The following FUT1 variants were observed in gnomAD, a reference collection of about 807,000 sequenced individuals.
FUT1 encodes the protein galactoside alpha-(1,2)-fucosyltransferase 1.
For missense variants in FUT1, 476 were observed against 492.7 expected (o/e 0.97, Z 0.32); for synonymous variants, 215 against 208.7 (o/e 1.03, Z -0.26).
Position 48,752,607 on chromosome 19 carries a change from C to G in FUT1, c.-120G>C. 1 of 985,474 alleles carries G rather than the reference C, an allele frequency of 1.0e-6. No individual in the cohort carries two copies. The highest frequency in any genetic ancestry group is 1.7e-5 in the African/African-American group (1 of 57,368). 61.0% of individuals were successfully genotyped at this position (985,474 alleles called of 1,614,324 possible). ...ACGCCAGGCGTCCGGCTATCCGGCC[C>G]GGCAGCCCTCCCCTCCGCGCAGCCT... On this transcript the variant is annotated 5_prime_UTR_variant, in exon 1 of 2. Transcript: ENST00000645652. This position sits in a 1 kb window ranked among gnomAD's most constrained non-coding sequence, Gnocchi z 4.3.
Position 48,749,847 on chromosome 19 carries a change from ACC to A in FUT1, c.*335_*336del. On this transcript the variant is annotated 3_prime_UTR_variant, in exon 2 of 2. Coordinates refer to ENST00000645652, the MANE Select transcript of FUT1 (RefSeq NM_001384359.1). ...CTTTGGAGGACCCAGGGGAGAAGTA[ACC>A]CCTCTTCTAGAGTAGACCAGAGGGA... The A allele has an allele frequency of 1.6e-5, 6 of 367,894 alleles. No individual in the cohort carries two copies. Among genetic ancestry groups the A allele is most frequent in the South Asian group, 1.3e-4 (5 of 38,254 alleles). The allele number at this position is 367,894 out of a possible 1,614,324, so 22.8% of individuals were successfully genotyped here.
chr19:48,751,137 T>A lies in FUT1; in HGVS notation c.145A>T (p.Thr49Ser). Residue 49 changes from threonine (T) to serine (S), a missense_variant, in exon 2 of 2, where the codon ACA becomes TCA. Transcript: ENST00000645652. ...SILCPDRRLV[T>S]PPVAIFCLPG... ...AGGCAGAAGATGGCCACTGGGGGTG[T>A]CACCAGGCGGCGGTCTGGACACAGG... 1 of 1,613,728 alleles carries A rather than the reference T, an allele frequency of 6.2e-7. No individual in the cohort carries two copies. The highest frequency in any genetic ancestry group is 2.2e-5 in the East Asian group (1 of 44,856).
At chr19:48,753,883 T>TG (rs1491458854), upstream of FUT1, among the ~76,000 whole-genome samples, 2 of 152,242 alleles carry the variant, frequency 1.3e-5, no homozygotes, top group East Asian at 3.9e-4. Flanking sequence ...GATCAAAGAC[T>TG]TTAAGACTTT....
upstream of FUT1, chr19:48,753,514 G>C (rs2034037259): frequency 6.6e-6 from 1 of 152,374 alleles, no homozygotes; most frequent in African/African-American, 2.4e-5. Context: ...AGCAGGGCAG[G>C]CTAACGTAGG....
intron 1 of FUT1, 136 bp from the exon 2 acceptor site, chr19:48,751,419 C>T (rs1375924409): frequency 3.2e-6 from 3 of 928,174 alleles, no homozygotes; most frequent in Non-Finnish European, 5.1e-6. Flanking sequence ...AAGGTTTAGA[C>T]TCCTGGGGCT....
rs2034000468 is a variant in FUT1, at chr19:48,751,302, G to A, written c.-2-19C>T. ...CACATGGCTGCAGGGGAGGAAAGGCGAATTAGCAAATGCTCTGAGGCTGAG... is the reference window on the plus strand; with the variant it reads ...CACATGGCTGCAGGGGAGGAAAGGCAAATTAGCAAATGCTCTGAGGCTGAG... On this transcript the variant is annotated intron_variant, in intron 1 of 1. Transcript: ENST00000645652. 6.2e-7 allele frequency: 1 copy of A among 1,613,076 alleles called. No homozygotes were observed. The highest frequency in any genetic ancestry group is 8.5e-7 in the Non-Finnish European group (1 of 1,179,640).
upstream of FUT1, among the ~76,000 whole-genome samples, chr19:48,753,907 G>A (rs1366350173): frequency 5.9e-5 from 9 of 152,156 alleles, no homozygotes; most frequent in Non-Finnish European, 5.9e-5. Context: ...TATTTCGGGC[G>A]GGCGCGGTGG....
At position 48,751,017 on chromosome 19, in the gene FUT1, A is replaced by C; in HGVS notation, c.265T>G (p.Phe89Val). The C allele has an allele frequency of 6.3e-7, 1 of 1,589,996 alleles. No individual in the cohort carries two copies. The highest frequency in any genetic ancestry group is 2.2e-5 in the East Asian group (1 of 44,562). ...GCATACTGTCCCATCTGATTACCAA[A>C]CCGGCCATTGGGGTAGACAGTCCAG... ...GTWTVYPNGR[F>V]GNQMGQYATL... The change falls in exon 2 of 2, where the codon TTT becomes GTT. Residue 89 changes from phenylalanine to valine, a missense_variant. Phe to Val is a conservative substitution (Grantham distance 50). Transcript: ENST00000645652.
rs2033974550 is a variant in FUT1, at chr19:48,750,312, A to G, written c.970T>C (p.Tyr324His). 6.2e-7 allele frequency: 1 copy of G among 1,614,070 alleles called. No individual in the cohort carries two copies. The highest frequency in any genetic ancestry group is 8.5e-7 in the Non-Finnish European group (1 of 1,180,040). ...TCTGGCAGGGTGAAGTTGGCCAGGTAGACAGTGTCTCCGCCAGCCAGGTAG... is the reference window on the plus strand; with the variant it reads ...TCTGGCAGGGTGAAGTTGGCCAGGTGGACAGTGTCTCCGCCAGCCAGGTAG... Reference protein sequence around the residue: ...AAYLAGGDTVYLANFTLPDSE... With the variant: ...AAYLAGGDTVHLANFTLPDSE... The change falls in exon 2 of 2, where the codon TAC becomes CAC. Residue 324 changes from tyrosine (Y) to histidine (H), a missense_variant. Tyr to His is a moderately conservative substitution (Grantham distance 83, BLOSUM62 2). Coordinates refer to ENST00000645652, the MANE Select transcript of FUT1 (RefSeq NM_001384359.1).
upstream of FUT1, among the ~76,000 whole-genome samples, chr19:48,755,000 CTG>C (rs1276373411): frequency 1.3e-5 from 2 of 151,446 alleles, no homozygotes; most frequent in East Asian, 3.9e-4. Context: ...TCCAAGCCCC[CTG>C]CCCCTCCTTC....
In FUT1 at chr19:48,750,068, C is replaced by T. The variant is rs770649296; in HGVS notation, c.*116G>A. 1.6e-5 allele frequency: 20 copies of T among 1,225,162 alleles called. No individual in the cohort carries two copies. The highest frequency in any genetic ancestry group is 1.0e-4 in the South Asian group (8 of 76,696). The allele number at this position is 1,225,162 out of a possible 1,614,324, so 75.9% of individuals were successfully genotyped here. A position where few individuals can be genotyped will look rare whatever the true frequency, so the allele number is the denominator to read the frequency against. Reference sequence around the variant, plus strand: ...CTCCCAACTAGAATCACTCTGGATACGGGCACCCATTTGCTTCAGGAACAC... The same window carrying T: ...CTCCCAACTAGAATCACTCTGGATATGGGCACCCATTTGCTTCAGGAACAC... On this transcript the variant is annotated 3_prime_UTR_variant, in exon 2 of 2. Coordinates refer to ENST00000645652, the MANE Select transcript of FUT1 (RefSeq NM_001384359.1).
upstream of FUT1, chr19:48,752,656 G>A (rs1390366675): frequency 2.9e-5 from 29 of 985,258 alleles, no homozygotes; most frequent in African/African-American, 3.5e-5. The surrounding 1 kb of genome is among the most constrained non-coding windows in gnomAD (Gnocchi z 4.3). Flanking sequence ...GCGAGGGCTT[G>A]GGGAGGAGAG....
Position 48,750,654 on chromosome 19 carries a change from G to T in FUT1, c.628C>A (p.Arg210Ser), listed in dbSNP as rs775020226. 1.9e-6 allele frequency: 3 copies of T among 1,612,734 alleles called. No individual in the cohort carries two copies. The highest frequency in any genetic ancestry group is 1.3e-5 in the African/African-American group (1 of 75,072). The change falls in exon 2 of 2, where the codon CGC (arginine) becomes AGC (serine). Residue 210 changes from arginine to serine, a missense_variant. Arg to Ser is a moderately radical substitution (Grantham distance 110). Transcript: ENST00000645652. ...TGGACGCCGACAAAGGTGCGCGGGC[G>T]GTCCCCTGTGCGGCCCAGGCGGAGC... ...GQLRLGRTGD[R>S]PRTFVGVHVR...
chr19:48,753,643 A>C (rs145318978), upstream of FUT1: 364 of 154,126 alleles, frequency 2.4e-3, 2 homozygotes, highest in African/African-American at 8.1e-3. Flanking sequence ...CCGGGGGACC[A>C]CTACCATCAA....
At chr19:48,753,903 G>C (rs988074393), upstream of FUT1, among the ~76,000 whole-genome samples, 5 of 152,126 alleles carry the variant, frequency 3.3e-5, no homozygotes, top group African/African-American at 1.2e-4. Flanking sequence ...TCACTATTTC[G>C]GGCGGGCGCG....
Position 48,751,084 on chromosome 19 carries a change from G to A in FUT1, c.198C>T (p.Ala66=), listed in dbSNP as rs1215537955. The stretch of plus-strand genomic sequence containing the variant: ...CAGGGTGCTGGGGACAGGAAGAGGA[G>A]GCGTTGGGGCCCATCGCAGTACCCG... ...CLPGTAMGPN[A]SSSCPQHPAS... The change falls in exon 2 of 2, where the codon GCC becomes GCT. Residue 66 remains alanine, a synonymous_variant. Transcript: ENST00000645652. The A allele has an allele frequency of 6.2e-7, 1 of 1,610,706 alleles. No homozygotes were observed. The highest frequency in any genetic ancestry group is 2.2e-5 in the East Asian group (1 of 44,784).
Position 48,752,215 on chromosome 19 carries a change from T to G in FUT1, c.-3+275A>C, listed in dbSNP as rs994037653. 3.3e-5 allele frequency among the ~76,000 whole-genome samples: 5 copies of G among 151,456 alleles called. No individual in the cohort carries two copies. The highest frequency in any genetic ancestry group is 1.2e-4 in the African/African-American group (5 of 41,268). On this transcript the variant is annotated intron_variant, in intron 1 of 1. Transcript: ENST00000645652. The surrounding 1 kb of genome is among the most constrained non-coding windows in gnomAD (Gnocchi z 4.3). ...GTAAGTTCCGCTGATACTGGACTCTTCCACCAGCCTGTTTCTCAGGAGTAC... is the reference window on the plus strand; with the variant it reads ...GTAAGTTCCGCTGATACTGGACTCTGCCACCAGCCTGTTTCTCAGGAGTAC...
At chr19:48,752,656 G>C (rs1390366675), upstream of FUT1, 3 of 985,258 alleles carry the variant, frequency 3.0e-6, no homozygotes, top group Non-Finnish European at 3.6e-6. This position sits in a 1 kb window ranked among gnomAD's most constrained non-coding sequence, Gnocchi z 4.3. Context: ...GCGAGGGCTT[G>C]GGGAGGAGAG....
chr19:48,753,653 A>G (rs148002313), upstream of FUT1: 604 of 154,516 alleles, frequency 3.9e-3, 4 homozygotes, highest in Middle Eastern at 0.013. Context: ...ACTACCATCA[A>G]GACGCAGAGA....
Sources: allele counts gnomAD v4.1 joint callset (sites outside exome capture counted in the v4.1 genomes callset), GRCh38; gene constraint gnomAD v4.1.1; non-coding constraint Gnocchi (gnomAD v3.1); transcripts MANE v1.5; gene names NCBI Gene and HGNC (gene_info 2026-07-23, HGNC 2026-07-21).